NTM: variants seen among roughly 807,000 people sequenced by gnomAD.
The protein encoded by NTM is neurotrimin, also known as IgLON family member 2.
In NTM, 13 loss-of-function variants were observed where a neutral mutation model predicts 42.1. That is an observed-to-expected ratio of 0.31 (90% confidence interval 0.20 to 0.49). The LOEUF (loss-of-function observed/expected upper bound fraction) is 0.49. NTM is among the 20% of genes least tolerant of loss of function. The pLI is 0.99. For synonymous variants in NTM, 187 were observed against 179.2 expected (o/e 1.04, Z -0.35); for missense variants, 373 against 452.8 (o/e 0.82, Z 1.60).
intron 1 of NTM, among the ~76,000 whole-genome samples, chr11:131,909,383 C>T (rs1413981328): frequency 6.6e-6 from 1 of 152,170 alleles, no homozygotes; most frequent in Non-Finnish European, 1.5e-5. Flanking sequence ...GGTTATATGA[C>T]TCAGTTATAA....
intron 1 of NTM, among the ~76,000 whole-genome samples, chr11:131,842,604 C>T (rs781587290): frequency 5.3e-5 from 8 of 152,152 alleles, no homozygotes; most frequent in Non-Finnish European, 1.2e-4. Context: ...AAATCTTGAA[C>T]TGACCTTTTT....
intron 1 of NTM, among the ~76,000 whole-genome samples, chr11:131,406,884 G>A (rs1457990967): frequency 6.6e-6 from 1 of 152,188 alleles, no homozygotes; most frequent in African/African-American, 2.4e-5. Flanking sequence ...AAATGTACAT[G>A]CATAAGTAAC....
intron 4 of NTM, among the ~76,000 whole-genome samples, chr11:132,221,586 T>C (rs2085171095): frequency 6.6e-6 from 1 of 152,126 alleles, no homozygotes; most frequent in South Asian, 2.1e-4. Flanking sequence ...ACCTAGTTCA[T>C]GCCCCAGCCT....
intron 1 of NTM, among the ~76,000 whole-genome samples, chr11:131,785,958 G>A (rs1181300110): frequency 6.6e-6 from 1 of 152,132 alleles, no homozygotes; most frequent in African/African-American, 2.4e-5. Context: ...TTGCTGTGAT[G>A]GCCATATGCT....
intron 1 of NTM, among the ~76,000 whole-genome samples, chr11:131,803,051 A>C (rs1055938383): frequency 2.0e-5 from 3 of 152,152 alleles, no homozygotes; most frequent in African/African-American, 4.8e-5. Context: ...GGCACCCTCC[A>C]TTTCCAGACA....
intron 3 of NTM, among the ~76,000 whole-genome samples, chr11:132,161,155 A>G (rs537870452): frequency 6.6e-6 from 1 of 151,998 alleles, no homozygotes; most frequent in East Asian, 2.0e-4. Context: ...GGAGGTGAGG[A>G]GGAGTTGAGC....
intron 1 of NTM, among the ~76,000 whole-genome samples, chr11:131,421,332 A>G (rs1008212558): frequency 2.6e-5 from 4 of 152,210 alleles, no homozygotes; most frequent in African/African-American, 9.6e-5. Flanking sequence ...GAGGCATCTA[A>G]GAAGATTTCC....
At chr11:131,943,572 T>G (rs2060032725) in intron 2 of NTM, among the ~76,000 whole-genome samples, 1 of 152,216 alleles carries the variant, frequency 6.6e-6, no homozygotes, top group Non-Finnish European at 1.5e-5. Flanking sequence ...GTGGGGCAGG[T>G]GTACAGGCTG....
chr11:131,558,259 C>G (rs1439568670), intron 1 of NTM, among the ~76,000 whole-genome samples: 1 of 152,120 alleles, frequency 6.6e-6, no homozygotes, highest in African/African-American at 2.4e-5. Context: ...GCTAACCCCT[C>G]CAGCCTGGAC....
chr11:132,028,356 G>A (rs2075466722), intron 2 of NTM, among the ~76,000 whole-genome samples: 2 of 151,386 alleles, frequency 1.3e-5, no homozygotes, highest in African/African-American at 4.9e-5. Context: ...TTAGTTTAAA[G>A]TTTTATGTTT....
chr11:131,579,140 G>A (rs183886350), intron 1 of NTM, among the ~76,000 whole-genome samples: 32 of 152,300 alleles, frequency 2.1e-4, no homozygotes, highest in African/African-American at 7.2e-4. Flanking sequence ...GGCAAAATCA[G>A]GGTGGAGACT....
At chr11:132,309,891 G>C (rs985395768) in intron 5 of NTM, among the ~76,000 whole-genome samples, 1 of 151,906 alleles carries the variant, frequency 6.6e-6, no homozygotes, top group Non-Finnish European at 1.5e-5. Flanking sequence ...CCCCGTCGCT[G>C]CTAAAAATAC....
chr11:131,571,890 C>T (rs990099144), intron 1 of NTM, among the ~76,000 whole-genome samples: 6 of 152,098 alleles, frequency 3.9e-5, no homozygotes, highest in African/African-American at 1.4e-4. Context: ...GAAGAGAGCA[C>T]ATATGAAAAA....
At chr11:131,784,110 A>G (rs1249835852) in intron 1 of NTM, among the ~76,000 whole-genome samples, 3 of 152,188 alleles carry the variant, frequency 2.0e-5, no homozygotes, top group Admixed American at 2.0e-4. Context: ...ATTCTAGGAT[A>G]AATAAAAACT....
At chr11:131,879,979 T>C (rs1310656268) in intron 1 of NTM, among the ~76,000 whole-genome samples, 3 of 152,234 alleles carry the variant, frequency 2.0e-5, no homozygotes, top group African/African-American at 7.2e-5. Context: ...TTTACCACCT[T>C]CAAGGATTAC....
At chr11:132,302,493 G>T (rs902120965) in intron 4 of NTM, among the ~76,000 whole-genome samples, 1 of 152,112 alleles carries the variant, frequency 6.6e-6, no homozygotes, top group African/African-American at 2.4e-5. Flanking sequence ...TTGGGATTGG[G>T]GCCACAGGAG....
At chr11:131,660,118 C>T (rs2067776785) in intron 1 of NTM, 2 of 184,272 alleles carry the variant, frequency 1.1e-5, no homozygotes, top group Non-Finnish European at 2.4e-5. Flanking sequence ...GACAGGGAGC[C>T]TCTGCGGCCA....
intron 1 of NTM, among the ~76,000 whole-genome samples, chr11:131,573,140 G>A (rs1027075483): frequency 1.3e-5 from 2 of 152,158 alleles, no homozygotes; most frequent in Non-Finnish European, 2.9e-5. Context: ...TGCTGGAGAG[G>A]GTTTGGGAGC....
At chr11:132,195,500 G>A (rs555061252) in intron 3 of NTM, among the ~76,000 whole-genome samples, 6 of 147,368 alleles carry the variant, frequency 4.1e-5, no homozygotes, top group African/African-American at 1.2e-4. Context: ...TATAGCCAAA[G>A]CAATCCTAAG....
Sources: gnomAD v4.1 joint callset for allele counts (sites outside exome capture counted in the v4.1 genomes callset) on GRCh38, gnomAD v4.1.1 for gene constraint, MANE v1.5 for transcripts, NCBI Gene and HGNC (gene_info 2026-07-23, HGNC 2026-07-21) for gene names.